Variants in KCTD2 observed in about 807,000 individuals in gnomAD.
The protein encoded by KCTD2 is potassium channel tetramerization domain containing 2, also known as BTB/POZ domain-containing protein KCTD2.
In KCTD2, 18 loss-of-function variants were observed where a neutral mutation model predicts 27.9. The observed-to-expected ratio is 0.64, with a 90% CI of 0.45 to 0.96. The LOEUF (loss-of-function observed/expected upper bound fraction) is 0.96, where lower values mean the gene tolerates loss of function less well. Among genes scored for constraint, KCTD2 ranks in the 40% least tolerant of loss-of-function variants. The pLI is 0.00. For synonymous variants in KCTD2, 175 were observed against 148.4 expected, an observed-to-expected ratio of 1.18 and a Z score of -1.30; for missense variants, 280 against 348.0, an observed-to-expected ratio of 0.80 and a Z score of 1.56.
chr17:75,049,484 AG>A (rs1258594746), intron 2 of KCTD2, among the ~76,000 whole-genome samples, 156 bp downstream of exon 2: 3 of 152,222 alleles, frequency 2.0e-5, no homozygotes, highest in Non-Finnish European at 4.4e-5. Flanking sequence ...GTCTTGTCTG[AG>A]GGAGTCATGA....
upstream of KCTD2, chr17:75,042,453 A>G: frequency 6.4e-7 from 1 of 1,566,696 alleles, no homozygotes; most frequent in Non-Finnish European, 8.7e-7. Flanking sequence ...TCAAGAATTC[A>G]TATGTAATTC....
chr17:75,051,830 T>G (rs1267198006), intron 2 of KCTD2, among the ~76,000 whole-genome samples: 2 of 152,154 alleles, frequency 1.3e-5, no homozygotes, highest in Non-Finnish European at 2.9e-5. Flanking sequence ...TATATTGCAG[T>G]TTTGTCAGTT....
chr17:75,063,001 C>G lies in KCTD2; in HGVS notation c.763-17C>G. 6.2e-7 allele frequency: 1 copy of G among 1,613,920 alleles called. No homozygotes were observed. The highest frequency in any genetic ancestry group is 8.5e-7 in the Non-Finnish European group (1 of 1,179,890). On this transcript the variant is annotated splice_polypyrimidine_tract_variant and intron_variant, in intron 5 of 5. Transcript: ENST00000322444. ...TCCCTCAGCAGCCTCAGCCTCTCCC[C>G]CATCTCCAACTTTCAGATTCTTCAG...
At chr17:75,034,911 C>T (rs1273767316) in intron 2 of KCTD2, among the ~76,000 whole-genome samples, 1 of 152,070 alleles carries the variant, frequency 6.6e-6, no homozygotes, top group Admixed American at 6.5e-5. Context: ...TCCCTTAGGC[C>T]ACGCGGTCGC....
intron 3 of KCTD2, chr17:75,039,728 T>G: frequency 3.7e-6 from 1 of 272,486 alleles, no homozygotes; most frequent in South Asian, 6.1e-5. Flanking sequence ...TGTTGAGGTA[T>G]ATCTGAAATA....
intron 1 of KCTD2, among the ~76,000 whole-genome samples, chr17:75,047,923 T>G (rs983429571): frequency 5.3e-5 from 8 of 152,068 alleles, no homozygotes; most frequent in African/African-American, 1.9e-4. Flanking sequence ...CTGCATGAGT[T>G]TTCCCTGGCT....
At chr17:75,039,367 C>G (rs1181012527) in intron 3 of KCTD2, 2 of 1,085,298 alleles carry the variant, frequency 1.8e-6, no homozygotes, top group Non-Finnish European at 1.4e-6. Flanking sequence ...TCCTGCTGTC[C>G]TATTGCTCTA....
At chr17:75,061,198 G>A (rs1055824503) in intron 4 of KCTD2, among the ~76,000 whole-genome samples, 3 of 152,128 alleles carry the variant, frequency 2.0e-5, no homozygotes, top group East Asian at 1.9e-4. Flanking sequence ...AGGCGGAGGC[G>A]CCCCCAGCCC....
chr17:75,059,650 G>T (rs377072220), intron 4 of KCTD2, 45 bp downstream of exon 4: 4 of 1,453,840 alleles, frequency 2.8e-6, no homozygotes, highest in Admixed American at 1.7e-5. Context: ...CGTTCAAGGG[G>T]TCTGCAGCTC....
At chr17:75,044,121 C>T (rs1365806546), upstream of KCTD2, among the ~76,000 whole-genome samples, 59 of 150,494 alleles carry the variant, frequency 3.9e-4, no homozygotes, top group Non-Finnish European at 5.9e-5. Flanking sequence ...ACCTCCCAGG[C>T]TCAAGCGATT....
At chr17:75,045,778 A>G (rs1370781270), upstream of KCTD2, among the ~76,000 whole-genome samples, 1 of 152,230 alleles carries the variant, frequency 6.6e-6, no homozygotes, top group Non-Finnish European at 1.5e-5. Flanking sequence ...CAATTATTAC[A>G]GGGTCCTGGA....
At chr17:75,061,969 C>T in intron 4 of KCTD2, 151 bp from the exon 5 acceptor site, 1 of 785,640 alleles carries the variant, frequency 1.3e-6, no homozygotes. Context: ...CCATTTCTCC[C>T]CGGGGGCTTT....
upstream of KCTD2, chr17:75,042,289 GA>G: frequency 6.2e-7 from 1 of 1,613,014 alleles, no homozygotes; most frequent in Admixed American, 1.7e-5. Context: ...TGCCCACAAG[GA>G]AAGGCAAAAG....
rs188468171 is a variant in KCTD2 at position 75,053,128 on chromosome 17, G to A, written c.540+23G>A. 4.6e-3 allele frequency: 7,311 copies of A among 1,580,982 alleles called. 25 individuals are homozygous for A. The highest frequency in any genetic ancestry group is 9.5e-3 in the Middle Eastern group (57 of 6,018). On this transcript the variant is annotated intron_variant, in intron 3 of 5. Transcript: ENST00000322444. ...CAAGTAATGTATTTGGAACTGTTAA[G>A]GAGGGTTGTTTCAAGTGGGCTTCTG...
intron 5 of KCTD2, among the ~76,000 whole-genome samples, chr17:75,062,742 A>G (rs1333463779): frequency 1.3e-5 from 2 of 148,392 alleles, no homozygotes; most frequent in African/African-American, 5.1e-5. Context: ...ACACACACAC[A>G]CAGCTTCTAA....
chr17:75,060,069 C>T (rs1329349599), intron 4 of KCTD2, among the ~76,000 whole-genome samples: 2 of 152,064 alleles, frequency 1.3e-5, no homozygotes, highest in East Asian at 1.9e-4. Context: ...AAGTGTGGTG[C>T]GGCCGTTTCC....
chr17:75,046,635 T>G (rs918898784), upstream of KCTD2, among the ~76,000 whole-genome samples: 6 of 152,220 alleles, frequency 3.9e-5, no homozygotes, highest in African/African-American at 1.4e-4. Flanking sequence ...ACCAAACTAT[T>G]GAAGTCTGCC....
chr17:75,058,182 A>G (rs1298377457), intron 3 of KCTD2, among the ~76,000 whole-genome samples: 1 of 151,892 alleles, frequency 6.6e-6, no homozygotes, highest in Admixed American at 6.6e-5. Flanking sequence ...AACTTAGCCA[A>G]GCGTGGTGGT....
chr17:75,033,778 G>T (rs776558493), intron 1 of KCTD2, among the ~76,000 whole-genome samples: 3 of 152,184 alleles, frequency 2.0e-5, no homozygotes, highest in Non-Finnish European at 2.9e-5. Flanking sequence ...GTATCTTCCC[G>T]CCCGCTCACC....
Sources: allele counts gnomAD v4.1 joint callset (sites outside exome capture counted in the v4.1 genomes callset), GRCh38; gene constraint gnomAD v4.1.1; transcripts MANE v1.5; gene names NCBI Gene and HGNC (gene_info 2026-07-23, HGNC 2026-07-21).